MTF2: variants seen among roughly 807,000 people sequenced by gnomAD.
MTF2 encodes metal response element binding transcription factor 2.
Under a neutral mutation model 79.5 loss-of-function variants are expected in MTF2, and 11 were observed. The ratio of observed to expected loss-of-function variants is 0.14; its 90% CI spans 0.09 to 0.23. The LOEUF is 0.23. Among genes scored for constraint, MTF2 ranks in the 10% least tolerant of loss-of-function variants. The pLI is 1.00. For synonymous variants in MTF2, 208 were observed against 232.8 expected (o/e 0.89, Z 0.97); for missense variants, 486 against 711.2 (o/e 0.68, Z 3.60).
chr1:93,098,805 TTAATACCTACTG>T (rs1655404939), intron 1 of MTF2, among the ~76,000 whole-genome samples: 1 of 152,226 alleles, frequency 6.6e-6, no homozygotes, highest in Non-Finnish European at 1.5e-5. Flanking sequence ...TTTATGATAC[TTAATACCTACTG>T]TAATGGTTTC....
intron 9 of MTF2, among the ~76,000 whole-genome samples, chr1:93,125,288 G>A (rs947052274): frequency 3.4e-5 from 5 of 145,382 alleles, no homozygotes; most frequent in African/African-American, 4.9e-5. Flanking sequence ...GATTAGCAAC[G>A]CTGGTTTGTC....
At chr1:93,128,077 A>G (rs1656771796) in intron 10 of MTF2, among the ~76,000 whole-genome samples, 2 of 152,156 alleles carry the variant, frequency 1.3e-5, no homozygotes, top group South Asian at 4.1e-4. Context: ...GGTACCTGAT[A>G]TGACCTTGAA....
Position 93,079,413 on chromosome 1 carries a change from G to A in MTF2, c.-114G>A. 1 of 1,362,390 alleles carries A rather than the reference G, an allele frequency of 7.3e-7. No homozygotes were observed. The highest frequency in any genetic ancestry group is 1.0e-6 in the Non-Finnish European group (1 of 957,142). 84.4% of individuals were successfully genotyped at this position (1,362,390 alleles called of 1,614,324 possible). A position where few individuals can be genotyped will look rare whatever the true frequency, so the allele number is the denominator to read the frequency against. On this transcript the variant is annotated 5_prime_UTR_variant, in exon 1 of 15. Coordinates refer to ENST00000370298, the MANE Select transcript of MTF2 (RefSeq NM_007358.4). Reference sequence around the variant, plus strand: ...CGGTTTGTGCGTGCATATGTGCCGGGTACCCGGTGGGGCGGGTGCCCAGTA... The same window carrying A: ...CGGTTTGTGCGTGCATATGTGCCGGATACCCGGTGGGGCGGGTGCCCAGTA...
chr1:93,096,808 CTTTTTTTTTTTTT>C (rs961849389), intron 1 of MTF2, among the ~76,000 whole-genome samples: 1 of 136,244 alleles, frequency 7.3e-6, no homozygotes, highest in African/African-American at 2.8e-5. Flanking sequence ...TTTTCTTTTT[CTTTTTTTTTTTTT>C]TTTTTTGGAG....
At chr1:93,098,717 G>A (rs188705675) in intron 1 of MTF2, among the ~76,000 whole-genome samples, 3 of 152,232 alleles carry the variant, frequency 2.0e-5, no homozygotes, top group African/African-American at 7.2e-5. Context: ...CTGAATTTTT[G>A]CATATGAACC....
At chr1:93,095,600 A>C (rs1227066616) in intron 1 of MTF2, among the ~76,000 whole-genome samples, 1 of 151,624 alleles carries the variant, frequency 6.6e-6, no homozygotes, top group Non-Finnish European at 1.5e-5. Context: ...TTGGCCTCCC[A>C]AAGTACTGAC....
At chr1:93,133,671 G>C in intron 11 of MTF2, 32 bp from the exon 12 acceptor site, 1 of 1,465,214 alleles carries the variant, frequency 6.8e-7, no homozygotes, top group Non-Finnish European at 9.4e-7. Context: ...TCTTTATGCA[G>C]AGATTAAATG....
At chr1:93,079,646 G>A in intron 1 of MTF2, 115 bp downstream of exon 1, 1 of 1,351,890 alleles carries the variant, frequency 7.4e-7, no homozygotes, top group Non-Finnish European at 1.1e-6. Context: ...TGGGGGTGGG[G>A]GCTCCTGTAT....
At chr1:93,093,817 C>T (rs1340981645) in intron 1 of MTF2, among the ~76,000 whole-genome samples, 2 of 152,150 alleles carry the variant, frequency 1.3e-5, no homozygotes, top group South Asian at 2.1e-4. Flanking sequence ...AAGCGATCCT[C>T]CTGCCTCAGC....
chr1:93,079,295 A>G lies in MTF2; in HGVS notation c.-232A>G, dbSNP rs976480113. On this transcript the variant is annotated 5_prime_UTR_variant, in exon 1 of 15. Transcript: ENST00000370298. ...AGAATGCACCGGCAGTCCGCGGGAA[A>G]CCAAAATGGCGAGGGGCTGTATTGA... The G allele has an allele frequency of 1.8e-6, 1 of 547,244 alleles. No homozygotes were observed. Among genetic ancestry groups the G allele is most frequent in the Non-Finnish European group, 3.3e-6 (1 of 307,042 alleles). 33.9% of individuals were successfully genotyped at this position (547,244 alleles called of 1,614,324 possible). A position where few individuals can be genotyped will look rare whatever the true frequency, so the allele number is the denominator to read the frequency against.
chr1:93,101,139 A>T (rs1277239996), intron 1 of MTF2, among the ~76,000 whole-genome samples: 1 of 152,214 alleles, frequency 6.6e-6, no homozygotes, highest in Non-Finnish European at 1.5e-5. Flanking sequence ...TGAATTAAAC[A>T]TCCAGTTTTC....
intron 1 of MTF2, among the ~76,000 whole-genome samples, chr1:93,109,738 C>T (rs1655956598): frequency 1.3e-5 from 2 of 152,102 alleles, no homozygotes; most frequent in Admixed American, 1.3e-4. Context: ...TGGTGATTCC[C>T]TGTAAGGAGA....
chr1:93,111,933 T>C (rs1441646917), intron 3 of MTF2, among the ~76,000 whole-genome samples: 1 of 152,194 alleles, frequency 6.6e-6, no homozygotes, highest in Non-Finnish European at 1.5e-5. Context: ...TGAAGATCTT[T>C]TGGAGTTTCC....
rs545707340 is a variant in MTF2, at chr1:93,097,950, C to G, written c.6-12280C>G. ...TTTATTTGGGTTCCCATCTTTTTCT[C>G]TCTTTTGCATAGTGTTTGTTTATTC... On this transcript the variant is annotated intron_variant, in intron 1 of 14. Coordinates refer to ENST00000370298, the MANE Select transcript of MTF2 (RefSeq NM_007358.4). Among the ~76,000 whole-genome samples the G allele has an allele frequency of 1.0e-3, 153 of 152,164 alleles. 1 individual carries two copies. Among genetic ancestry groups the G allele is most frequent in the African/African-American group, 3.1e-3 (129 of 41,502 alleles).
At chr1:93,100,466 G>A (rs1023388599) in intron 1 of MTF2, among the ~76,000 whole-genome samples, 1 of 152,026 alleles carries the variant, frequency 6.6e-6, no homozygotes, top group Non-Finnish European at 1.5e-5. Flanking sequence ...CACCATGCCT[G>A]GCTAATTTTT....
intron 14 of MTF2, among the ~76,000 whole-genome samples, chr1:93,135,535 T>G (rs896331504): frequency 6.6e-6 from 1 of 152,198 alleles, no homozygotes; most frequent in Non-Finnish European, 1.5e-5. Context: ...CTTATTTAAT[T>G]CTTAAAACAA....
At position 93,138,689 on chromosome 1, in the gene MTF2, ATTAAT is replaced by A. The variant is rs1241217944; in HGVS notation, c.*1667_*1671del. 1.3e-5 allele frequency: 2 copies of A among 152,182 alleles called. No individual in the cohort carries two copies. The highest frequency in any genetic ancestry group is 6.5e-5 in the Admixed American group (1 of 15,276). The allele number at this position is 152,182 out of a possible 1,614,324, so 9.4% of individuals were successfully genotyped here. ...ACCAAAACTTGATTTTCCCCTAGCT[ATTAAT>A]TTAAGGTTGCCTTTCCTGCAGCTGC... is the stretch of plus-strand genomic sequence containing the variant. On this transcript the variant is annotated 3_prime_UTR_variant, in exon 15 of 15. Coordinates refer to ENST00000370298, the MANE Select transcript of MTF2 (RefSeq NM_007358.4).
intron 11 of MTF2, among the ~76,000 whole-genome samples, chr1:93,130,965 A>ACG (rs1656893587): frequency 6.6e-6 from 1 of 152,060 alleles, no homozygotes; most frequent in African/African-American, 2.4e-5. Context: ...ACACACACAC[A>ACG]CACACCCTCA....
chr1:93,129,536 A>G, intron 11 of MTF2, 88 bp downstream of exon 11: 1 of 1,075,266 alleles, frequency 9.3e-7, no homozygotes, highest in Non-Finnish European at 1.3e-6. Context: ...TATATTTGAA[A>G]GTACAAGTGG....
Sources: allele counts gnomAD v4.1 joint callset (sites outside exome capture counted in the v4.1 genomes callset), GRCh38; gene constraint gnomAD v4.1.1; transcripts MANE v1.5; gene names NCBI Gene and HGNC (gene_info 2026-07-23, HGNC 2026-07-21).